NLRP12: variants seen among roughly 807,000 people sequenced by gnomAD.
The protein encoded by NLRP12 is NLR family pyrin domain containing 12, also known as NACHT, LRR and PYD domains-containing protein 12.
Under a neutral mutation model 91.2 loss-of-function variants are expected in NLRP12, and 108 were observed. The observed-to-expected ratio is 1.18, with a 90% CI of 1.01 to 1.39. NLRP12 has a LOEUF of 1.39. Ranked by LOEUF, NLRP12 falls within the 40% of genes most tolerant of loss-of-function variation. NLRP12 has a pLI of 0.00. For synonymous variants in NLRP12, 613 were observed against 566.7 expected (o/e 1.08, Z -1.16); for missense variants, 1,530 against 1,352.7 (o/e 1.13, Z -2.06).
rs1268644081 is a variant in NLRP12, at chr19:53,796,001, C to T, written c.2956G>A (p.Ala986Thr). The change falls in exon 9 of 10, where the codon GCT (alanine) becomes ACT (threonine). Residue 986 changes from alanine to threonine, a missense_variant. By Grantham distance (58) the Ala-to-Thr change is moderately conservative. Coordinates refer to ENST00000324134, the MANE Select transcript of NLRP12 (RefSeq NM_144687.4). ...WLDSCGLTAKACENLYFTLGI... is the reference protein window; with the variant it reads ...WLDSCGLTAKTCENLYFTLGI... ...AGGGTGAAGTAAAGATTCTCACAAG[C>T]CTTGGCTGTGAGGCCACAGCTATCC... is the stretch of plus-strand genomic sequence containing the variant. 2 of 1,614,128 alleles carry T rather than the reference C, an allele frequency of 1.2e-6. No individual in the cohort carries two copies. Among genetic ancestry groups the T allele is most frequent in the South Asian group, 1.1e-5 (1 of 91,084 alleles).
chr19:53,820,844 C>T (rs190918496), intron 1 of NLRP12, among the ~76,000 whole-genome samples: 124 of 151,110 alleles, frequency 8.2e-4, no homozygotes, highest in African/African-American at 2.8e-3. Flanking sequence ...CCCATCACTG[C>T]GCCCAGCTAA....
At chr19:53,823,321 A>G (rs2092287694) in intron 1 of NLRP12, among the ~76,000 whole-genome samples, 1 of 133,606 alleles carries the variant, frequency 7.5e-6, no homozygotes, top group Admixed American at 8.1e-5. Flanking sequence ...TATATAATAA[A>G]TATATACTAT....
intron 5 of NLRP12, among the ~76,000 whole-genome samples, chr19:53,805,030 G>C (rs997308230): frequency 6.6e-6 from 1 of 151,898 alleles, no homozygotes; most frequent in Admixed American, 6.6e-5. Context: ...ACCCCGTCTC[G>C]GGAGAAAAAA....
chr19:53,811,485 G>C lies in NLRP12; in HGVS notation c.371-197C>G, dbSNP rs562506297. Among the ~76,000 whole-genome samples the C allele has an allele frequency of 2.0e-5, 3 of 151,896 alleles. No homozygotes were observed. In the East Asian group the frequency reaches 5.9e-4, roughly 30 times the overall value. ...GCTGAGATCGCACCACTGCACTCTA[G>C]CCTGGGCAACAGAGCCAGACTCCAT... On this transcript the variant is annotated intron_variant, in intron 2 of 9. Transcript: ENST00000324134.
intron 2 of NLRP12, among the ~76,000 whole-genome samples, chr19:53,811,539 T>A (rs991055483): frequency 1.3e-5 from 2 of 151,244 alleles, no homozygotes; most frequent in African/African-American, 4.9e-5. Flanking sequence ...TTAATTAAAA[T>A]AATTTATTTG....
rs756202611 is a variant in NLRP12, at chr19:53,809,852, C to A, written c.1807G>T (p.Gly603Cys). 5 of 1,614,082 alleles carry A rather than the reference C, an allele frequency of 3.1e-6. No homozygotes were observed. In the Admixed American group the frequency reaches 8.3e-5, roughly 27 times the overall value. ...QWIQSKAQSD[G>C]STLQQGSLEF... ...AAGGAGCCCTGCTGCAGGGTGGAGC[C>A]GTCGCTCTGAGCTTTGCTTTGGATC... is the stretch of plus-strand genomic sequence containing the variant. Residue 603 changes from glycine to cysteine, a missense_variant, in exon 3 of 10, where the codon GGC (glycine) becomes TGC (cysteine). Coordinates refer to ENST00000324134, the MANE Select transcript of NLRP12 (RefSeq NM_144687.4).
chr19:53,818,718 A>G (rs1441245583), intron 1 of NLRP12, among the ~76,000 whole-genome samples: 1 of 152,128 alleles, frequency 6.6e-6, no homozygotes, highest in Non-Finnish European at 1.5e-5. Flanking sequence ...TTGCAGCTGA[A>G]AAAGGCCTCA....
chr19:53,808,952 C>T (rs889164), intron 3 of NLRP12, among the ~76,000 whole-genome samples: 123,572 of 151,832 alleles, frequency 0.81, 50,308 homozygotes, highest in Admixed American at 0.85. Context: ...AAATCACCCC[C>T]AGCTGAGAGG....
intron 4 of NLRP12, among the ~76,000 whole-genome samples, 180 bp downstream of exon 4, chr19:53,807,315 G>A (rs974117879): frequency 3.9e-5 from 6 of 152,136 alleles, no homozygotes; most frequent in Admixed American, 1.3e-4. Flanking sequence ...TGATCTGCCC[G>A]CCTTCACCTG....
chr19:53,814,969 C>G lies in NLRP12; in HGVS notation c.309G>C (p.Pro103=), dbSNP rs200930208. 1.2e-6 allele frequency: 2 copies of G among 1,613,804 alleles called. No individual in the cohort carries two copies. The highest frequency in any genetic ancestry group is 1.7e-6 in the Non-Finnish European group (2 of 1,179,830). The change falls in exon 2 of 10, where the codon CCG becomes CCC. Residue 103 remains proline, a synonymous_variant. Transcript: ENST00000324134. ...ATGTTGACTGGTTCCCAAGTGAGGA[C>G]GGGCCACCAGGTGGGGTATCTGGAA... ...DLVRDTPPGG[P]SSLGNQSTCL...
At chr19:53,812,213 TC>T in intron 2 of NLRP12, among the ~76,000 whole-genome samples, 1 of 151,424 alleles carries the variant, frequency 6.6e-6, no homozygotes, top group East Asian at 2.0e-4. Context: ...CAAACAATCC[TC>T]CTGCCTGAGC....
rs556658854 is a variant in NLRP12, at chr19:53,824,187, A to G, written c.-13T>C. 1 of 1,613,334 alleles carries G rather than the reference A, an allele frequency of 6.2e-7. No homozygotes were observed. The highest frequency in any genetic ancestry group is 8.5e-7 in the Non-Finnish European group (1 of 1,179,980). On this transcript the variant is annotated 5_prime_UTR_variant, in exon 1 of 10. Transcript: ENST00000324134. ...CGGTTCGTAGCATGGGGGTGCCGTG[A>G]GCCCCAAAGGAGAGGACCTGGAGGC...
At chr19:53,801,501 G>C in intron 6 of NLRP12, 104 bp from the exon 7 acceptor site, 1 of 1,451,876 alleles carries the variant, frequency 6.9e-7, no homozygotes. Flanking sequence ...GCCCAGGCTG[G>C]AATGCAGTGG....
intron 7 of NLRP12, among the ~76,000 whole-genome samples, chr19:53,800,310 A>AAAGT (rs1370069849): frequency 6.6e-6 from 1 of 152,000 alleles, no homozygotes; most frequent in Non-Finnish European, 1.5e-5. Context: ...TCTCAAAAAA[A>AAAGT]AAGTAAAAAT....
chr19:53,799,764 T>C (rs1166099753), intron 7 of NLRP12, among the ~76,000 whole-genome samples: 13 of 152,044 alleles, frequency 8.6e-5, no homozygotes, highest in Admixed American at 8.5e-4. Context: ...ATTACAGGTG[T>C]GAGCCACCGC....
chr19:53,808,876 G>T (rs744759), intron 3 of NLRP12, among the ~76,000 whole-genome samples: 2 of 151,694 alleles, frequency 1.3e-5, no homozygotes, highest in African/African-American at 4.8e-5. Context: ...GATGTCAGTA[G>T]TATTATTTGC....
rs1417150986 is a variant in NLRP12 at position 53,809,650 on chromosome 19, TAGGTGGCGCC to T, written c.1999_2008del (p.Gly667ThrfsTer46). ...CGCGCGGTCTTCCCCGTCCGCGCTG[TAGGTGGCGCC>T]ATACAAGTGCAGCACCTGGGCGCTC... On this transcript the variant is annotated frameshift_variant, in exon 3 of 10. Coordinates refer to ENST00000324134, the MANE Select transcript of NLRP12 (RefSeq NM_144687.4). LOFTEE classifies it high-confidence loss of function. 11 of 1,613,716 alleles carry T rather than the reference TAGGTGGCGCC, an allele frequency of 6.8e-6. No individual in the cohort carries two copies. The highest frequency in any genetic ancestry group is 1.3e-5 in the African/African-American group (1 of 75,018).
At chr19:53,813,357 C>T (rs568239982) in intron 2 of NLRP12, among the ~76,000 whole-genome samples, 1 of 119,486 alleles carries the variant, frequency 8.4e-6, no homozygotes, top group East Asian at 2.5e-4. Context: ...GGCTGGAGTG[C>T]GGCGGCACGA....
chr19:53,797,140 T>TTA (rs1568656248), intron 8 of NLRP12, among the ~76,000 whole-genome samples: 1,607 of 114,718 alleles, frequency 0.014, 30 homozygotes, highest in African/African-American at 0.06. Context: ...AATTATTATT[T>TTA]TTTTTTCTCG....
Sources: allele counts gnomAD v4.1 joint callset (sites outside exome capture counted in the v4.1 genomes callset), GRCh38; gene constraint gnomAD v4.1.1; transcripts MANE v1.5; gene names NCBI Gene and HGNC (gene_info 2026-07-23, HGNC 2026-07-21).